ACIN1: variants seen among roughly 807,000 people sequenced by gnomAD.
The protein encoded by ACIN1 is apoptotic chromatin condensation inducer in the nucleus.
A neutral mutation model predicts 146.6 loss-of-function variants in ACIN1; 16 were observed. The observed-to-expected ratio is 0.11, with a 90% CI of 0.07 to 0.17. The LOEUF (loss-of-function observed/expected upper bound fraction) is 0.17. Among genes scored for constraint, ACIN1 ranks in the 10% least tolerant of loss-of-function variants. ACIN1 has a pLI of 1.00. For synonymous variants in ACIN1, 569 were observed against 582.7 expected, an observed-to-expected ratio of 0.98 and a Z score of 0.34; for missense variants, 1,357 against 1,609.3, an observed-to-expected ratio of 0.84 and a Z score of 2.68.
intron 1 of ACIN1, 141 bp downstream of exon 1, chr14:23,094,834 C>G: frequency 7.9e-7 from 1 of 1,271,400 alleles, no homozygotes; most frequent in South Asian, 1.5e-5. Flanking sequence ...TCATCAACCA[C>G]CGTGCGCGCG....
chr14:23,062,476 T>C lies in ACIN1; in HGVS notation c.2931A>G (p.Thr977=), dbSNP rs751915167. Residue 977 remains threonine, a synonymous_variant, in exon 15 of 19, where the codon ACA becomes ACG. Coordinates refer to ENST00000605057, the MANE Select transcript of ACIN1 (RefSeq NM_001386863.1). ...AGAAGGCCTCTTCCACCAAGGTTCC[T>C]GTGCGCCCCAACAACTCCTTTAGCT... ...LGQLKELLGR[T]GTLVEEAFWI... The C allele has an allele frequency of 2.5e-6, 4 of 1,614,208 alleles. No individual in the cohort carries two copies. In the South Asian group the frequency reaches 3.3e-5, roughly 13 times the overall value.
rs1177218704 is a variant in ACIN1 at position 23,061,535 on chromosome 14, G to C, written c.3187C>G (p.Pro1063Ala). 6.2e-7 allele frequency: 1 copy of C among 1,601,024 alleles called. No individual in the cohort carries two copies. Among genetic ancestry groups the C allele is most frequent in the Admixed American group, 1.7e-5 (1 of 59,414 alleles). Reference sequence around the variant, plus strand: ...TGTGGTGGCTGGACCGGGGGTGGGGGTGGGGGGTGCAGGGGCCGTGGTATT... The same window carrying C: ...TGTGGTGGCTGGACCGGGGGTGGGGCTGGGGGGTGCAGGGGCCGTGGTATT... ...QGIPRPLHPP[P>A]PPPVQPPQHP... The change falls in exon 17 of 19, where the codon CCC becomes GCC. Residue 1063 changes from proline (P) to alanine (A), a missense_variant. Around this residue, in one of 4 missense-constraint regions of ACIN1, gnomAD observed 509 missense variants for 719.6 expected, o/e 0.71. Transcript: ENST00000605057.
chr14:23,069,167 C>G lies in ACIN1; in HGVS notation c.2265+309G>C, dbSNP rs903479233. ...TACCACCAGGAGAAGCTTGGGAAGA[C>G]AGCAGGAAAAGCTGAACATAAATCT... On this transcript the variant is annotated intron_variant, in intron 9 of 18. Coordinates refer to ENST00000605057, the MANE Select transcript of ACIN1 (RefSeq NM_001386863.1). The G allele has an allele frequency of 7.2e-5, 77 of 1,063,212 alleles. No homozygotes were observed. The Middle Eastern group carries it at 2.1e-3, about 29-fold the overall frequency. The allele number at this position is 1,063,212 out of a possible 1,614,324, so 65.9% of individuals were successfully genotyped here. A position where few individuals can be genotyped will look rare whatever the true frequency, so the allele number is the denominator to read the frequency against.
rs768317359 is a variant in ACIN1 at position 23,079,635 on chromosome 14, C to A, written c.1700G>T (p.Gly567Val). 1.2e-6 allele frequency: 2 copies of A among 1,614,118 alleles called. No homozygotes were observed. The highest frequency in any genetic ancestry group is 2.2e-5 in the South Asian group (2 of 91,082). ...AQARTHANPR[G>V]RPKMGSRSTS... ...TGATCTGGAGCCCATCTTGGGTCTA[C>A]CACGAGGGTTGGCATGAGTACGTGC... The change falls in exon 6 of 19, where the codon GGT becomes GTT. Residue 567 changes from glycine (G) to valine (V), a missense_variant. Around this residue, in one of 4 missense-constraint regions of ACIN1, gnomAD observed 771 missense variants for 746.6 expected, o/e 1.03. Coordinates refer to ENST00000605057, the MANE Select transcript of ACIN1 (RefSeq NM_001386863.1).
chr14:23,079,526 C>T, intron 6 of ACIN1, 21 bp downstream of exon 6: 1 of 1,609,220 alleles, frequency 6.2e-7, no homozygotes, highest in Non-Finnish European at 8.5e-7. Flanking sequence ...ATTAATACAC[C>T]CGGGATTCTC....
rs778253666 is a variant in ACIN1, at chr14:23,078,814, G to C, written c.2007+6C>G. Reference sequence around the variant, plus strand: ...CTCTGTGTAGGGAGGGGTCACAATAGCCTACCCGCTCAGGCTGTAACCTCT... The same window carrying C: ...CTCTGTGTAGGGAGGGGTCACAATACCCTACCCGCTCAGGCTGTAACCTCT... On this transcript the variant is annotated splice_donor_region_variant and intron_variant, in intron 7 of 18. Transcript: ENST00000605057. 14 of 1,611,822 alleles carry C rather than the reference G, an allele frequency of 8.7e-6. No homozygotes were observed. The East Asian group carries it at 1.6e-4, about 18-fold the overall frequency.
chr14:23,071,744 AC>A (rs539463149), intron 8 of ACIN1: 5 of 503,392 alleles, frequency 9.9e-6, no homozygotes, highest in East Asian at 3.5e-5. Flanking sequence ...CAGAGGCTTA[AC>A]CCCCCAGGGC....
chr14:23,068,294 A>G lies in ACIN1; in HGVS notation c.2265+1182T>C. 1 of 985,958 alleles carries G rather than the reference A, an allele frequency of 1.0e-6. No individual in the cohort carries two copies. Among genetic ancestry groups the G allele is most frequent in the Non-Finnish European group, 1.2e-6 (1 of 829,984 alleles). The allele number at this position is 985,958 out of a possible 1,614,324, so 61.1% of individuals were successfully genotyped here. A position where few individuals can be genotyped will look rare whatever the true frequency, so the allele number is the denominator to read the frequency against. On this transcript the variant is annotated intron_variant, in intron 9 of 18. Transcript: ENST00000605057. The surrounding 1 kb of genome is among the most constrained non-coding windows in gnomAD (Gnocchi z 4.3). The stretch of plus-strand genomic sequence containing the variant: ...GGATCCCAACAGTCTGTAGCAAACA[A>G]GGCAACCCACAGTCCTCAAAAGGGC...
At chr14:23,094,616 C>A in intron 1 of ACIN1, 1 of 1,027,644 alleles carries the variant, frequency 9.7e-7, no homozygotes, top group Non-Finnish European at 1.2e-6. Flanking sequence ...CAACTCGCCC[C>A]CCTCAGGCCA....
At position 23,058,601 on chromosome 14, in the gene ACIN1, G is replaced by C. The variant is rs1400463042; in HGVS notation, c.*547C>G. 2 of 153,682 alleles carry C rather than the reference G, an allele frequency of 1.3e-5. No homozygotes were observed. Among genetic ancestry groups the C allele is most frequent in the African/African-American group, 2.4e-5 (1 of 41,160 alleles). The allele number at this position is 153,682 out of a possible 1,614,324, so 9.5% of individuals were successfully genotyped here. On this transcript the variant is annotated 3_prime_UTR_variant, in exon 19 of 19. Coordinates refer to ENST00000605057, the MANE Select transcript of ACIN1 (RefSeq NM_001386863.1). ...TCAGATTTTTATTTTTTTTTCCATA[G>C]ACCACATCATTTAATAATAAAAAAA...
At chr14:23,087,486 A>G (rs2048117844) in intron 4 of ACIN1, among the ~76,000 whole-genome samples, 1 of 146,008 alleles carries the variant, frequency 6.8e-6, no homozygotes, top group South Asian at 2.1e-4. Flanking sequence ...TCCTCCATCA[A>G]TCATTAGCCA....
chr14:23,062,340 C>A, intron 15 of ACIN1, 65 bp from the exon 16 acceptor site: 1 of 1,598,896 alleles, frequency 6.3e-7, no homozygotes, highest in Non-Finnish European at 8.6e-7. Flanking sequence ...CGTGCTGCAA[C>A]ACCCTTAAAC....
intron 14 of ACIN1, 89 bp from the exon 15 acceptor site, chr14:23,062,612 T>C (rs975190489): frequency 1.9e-5 from 24 of 1,285,920 alleles, no homozygotes; most frequent in African/African-American, 5.9e-5. Context: ...CACAGGAGTA[T>C]AGTTTCAAGG....
chr14:23,081,939 G>A, intron 4 of ACIN1, 103 bp from the exon 5 acceptor site: 1 of 842,218 alleles, frequency 1.2e-6, no homozygotes, highest in South Asian at 1.7e-5. Flanking sequence ...TAGCATATGA[G>A]CCTATCAAGA....
At chr14:23,071,751 A>T in intron 8 of ACIN1, 28 of 454,794 alleles carry the variant, frequency 6.2e-5, no homozygotes, top group East Asian at 1.7e-4. Flanking sequence ...TTAACCCCCC[A>T]GGGCTGGAGT....
intron 9 of ACIN1, chr14:23,069,141 T>A: frequency 9.7e-7 from 1 of 1,027,706 alleles, no homozygotes; most frequent in Non-Finnish European, 1.2e-6. Context: ...GCTAAAGGAG[T>A]TACCACCAGG....
chr14:23,072,965 AAC>A (rs1463223713), intron 8 of ACIN1, among the ~76,000 whole-genome samples: 1 of 152,220 alleles, frequency 6.6e-6, no homozygotes, highest in Non-Finnish European at 1.5e-5. Flanking sequence ...TATTTCATGG[AAC>A]AGTGTAGTTA....
At chr14:23,060,775 T>C (rs2047253235) in intron 18 of ACIN1, among the ~76,000 whole-genome samples, 1 of 152,016 alleles carries the variant, frequency 6.6e-6, no homozygotes, top group Admixed American at 6.5e-5. Flanking sequence ...CCTCCCAAAG[T>C]GCTGGCATTA....
At chr14:23,094,633 C>T in intron 1 of ACIN1, 1 of 901,812 alleles carries the variant, frequency 1.1e-6, no homozygotes, top group South Asian at 2.9e-5. Flanking sequence ...GCCAGCAACG[C>T]CGTAGGTTGT....
Sources: allele counts gnomAD v4.1 joint callset (sites outside exome capture counted in the v4.1 genomes callset), GRCh38; gene constraint gnomAD v4.1.1; regional missense constraint gnomAD v4.1.1; non-coding constraint Gnocchi (gnomAD v3.1); transcripts MANE v1.5; gene names NCBI Gene and HGNC (gene_info 2026-07-23, HGNC 2026-07-21).